The following ANKHD1 variants were observed in gnomAD, a reference collection of about 807,000 sequenced individuals.
ANKHD1 encodes the protein ankyrin repeat and KH domain-containing protein 1.
ANKHD1 carries 31 observed loss-of-function variants against 230.5 expected under a neutral mutation model. The observed-to-expected ratio is 0.13, with a 90% CI of 0.10 to 0.18. ANKHD1 has a LOEUF of 0.18. Among genes scored for constraint, ANKHD1 ranks in the 10% least tolerant of loss-of-function variants. The pLI is 1.00. For synonymous variants in ANKHD1, 1,074 were observed against 1,117.6 expected (o/e 0.96, Z 0.78); for missense variants, 2,256 against 3,071.3 (o/e 0.73, Z 6.27).
intron 24 of ANKHD1, among the ~76,000 whole-genome samples, chr5:140,520,535 T>C (rs1394806046): frequency 6.8e-4 from 103 of 151,926 alleles, no homozygotes; most frequent in African/African-American, 2.4e-3. Context: ...AACCCAAATG[T>C]CCAGCAATGA....
At chr5:140,486,871 T>C in intron 13 of ANKHD1, 87 bp from the exon 14 acceptor site, 1 of 1,339,120 alleles carries the variant, frequency 7.5e-7, no homozygotes. Flanking sequence ...TATATGAAGA[T>C]AACCTAAAAC....
chr5:140,533,548 G>T (rs1029267498), intron 29 of ANKHD1, among the ~76,000 whole-genome samples: 2 of 152,018 alleles, frequency 1.3e-5, no homozygotes, highest in African/African-American at 4.8e-5. Context: ...GCAGTGAGCC[G>T]AGATCGCGCC....
intron 20 of ANKHD1, 148 bp downstream of exon 20, chr5:140,508,146 G>A (rs564970178): frequency 8.8e-7 from 1 of 1,131,222 alleles, no homozygotes; most frequent in South Asian, 1.9e-5. Flanking sequence ...GTATAATAGT[G>A]AGTGACATAC....
At chr5:140,428,245 A>G (rs1278868275) in intron 1 of ANKHD1, among the ~76,000 whole-genome samples, 1 of 152,198 alleles carries the variant, frequency 6.6e-6, no homozygotes, top group Admixed American at 6.5e-5. Context: ...GCGGCCGGGC[A>G]GAGGCTGCAA....
At chr5:140,430,097 C>T (rs1479254984) in intron 1 of ANKHD1, among the ~76,000 whole-genome samples, 2 of 152,308 alleles carry the variant, frequency 1.3e-5, no homozygotes, top group Middle Eastern at 3.4e-3. Flanking sequence ...CTAAAAACCA[C>T]ACTCCCATAC....
intron 33 of ANKHD1, 21 bp from the exon 34 acceptor site, chr5:140,539,338 A>G: frequency 6.2e-7 from 1 of 1,611,866 alleles, no homozygotes; most frequent in African/African-American, 1.3e-5. Context: ...AGAAATTCCA[A>G]TTTTTCCTCC....
chr5:140,489,288 G>A (rs907201126), intron 14 of ANKHD1, among the ~76,000 whole-genome samples: 2 of 151,676 alleles, frequency 1.3e-5, no homozygotes, highest in African/African-American at 2.4e-5. Context: ...CAGAATGATC[G>A]ATCAGCCTGC....
chr5:140,405,601 C>T (rs1349669879), intron 1 of ANKHD1, among the ~76,000 whole-genome samples: 1 of 152,026 alleles, frequency 6.6e-6, no homozygotes, highest in African/African-American at 2.4e-5. Context: ...ATACTAAAAT[C>T]CTCCGTCTCA....
chr5:140,505,972 G>A (rs1336007785), intron 18 of ANKHD1, 103 bp downstream of exon 18: 2 of 1,495,702 alleles, frequency 1.3e-6, no homozygotes, highest in African/African-American at 1.4e-5. Flanking sequence ...CATGTATTTT[G>A]TGTGTTTGTT....
chr5:140,424,008 G>A (rs1467695031), intron 1 of ANKHD1, among the ~76,000 whole-genome samples: 1 of 152,084 alleles, frequency 6.6e-6, no homozygotes, highest in Non-Finnish European at 1.5e-5. Flanking sequence ...GTAGATAAAG[G>A]ATCCAAATTC....
intron 20 of ANKHD1, among the ~76,000 whole-genome samples, chr5:140,508,674 G>A (rs887330281): frequency 1.1e-4 from 16 of 152,006 alleles, no homozygotes; most frequent in Admixed American, 5.9e-4. Flanking sequence ...AAGAATCACC[G>A]GAACTTGGGA....
chr5:140,430,217 G>A (rs1772928246), intron 1 of ANKHD1, among the ~76,000 whole-genome samples: 1 of 152,138 alleles, frequency 6.6e-6, no homozygotes, highest in African/African-American at 2.4e-5. Flanking sequence ...GGAAAAACAG[G>A]TAGTTTTTGA....
chr5:140,467,011 AATT>A (rs1428156933), intron 10 of ANKHD1, among the ~76,000 whole-genome samples: 3 of 152,082 alleles, frequency 2.0e-5, no homozygotes, highest in South Asian at 2.1e-4. Context: ...GTTCTAACAT[AATT>A]ATTCATTTTT....
intron 1 of ANKHD1, among the ~76,000 whole-genome samples, chr5:140,411,020 T>C (rs1442245815): frequency 6.6e-6 from 1 of 152,212 alleles, no homozygotes. Flanking sequence ...TTAAGAAATA[T>C]GTAGTTTTTG....
At chr5:140,424,986 G>A (rs2126881708) in intron 1 of ANKHD1, among the ~76,000 whole-genome samples, 1 of 152,310 alleles carries the variant, frequency 6.6e-6, no homozygotes, top group East Asian at 1.9e-4. Flanking sequence ...TGATACATAT[G>A]AGACATTTTA....
chr5:140,537,518 C>T lies in ANKHD1; in HGVS notation c.7157C>T (p.Pro2386Leu), dbSNP rs142203317. 23 of 1,613,398 alleles carry T rather than the reference C, an allele frequency of 1.4e-5. No homozygotes were observed. Among genetic ancestry groups the T allele is most frequent in the African/African-American group, 6.7e-5 (5 of 74,870 alleles). ...CAAGGAGGGTCTGTTGCACAAGCCC[C>T]GGCGGGGACCAGTTTTGTCGCTCCC... ...IRQGGSVAQA[P>L]AGTSFVAPVG... is the part of the protein sequence containing the mutation. Residue 2386 changes from proline (P) to leucine (L), a missense_variant, in exon 31 of 34, where the codon CCG becomes CTG. By Grantham distance (98) the Pro-to-Leu change is moderately conservative (BLOSUM62 -3). Coordinates refer to ENST00000360839, the MANE Select transcript of ANKHD1 (RefSeq NM_017747.3).
intron 29 of ANKHD1, among the ~76,000 whole-genome samples, chr5:140,532,407 G>T (rs2127094252): frequency 6.6e-6 from 1 of 152,152 alleles, no homozygotes; most frequent in African/African-American, 2.4e-5. Flanking sequence ...TGATTGGAGG[G>T]TGGGTGATAG....
intron 10 of ANKHD1, among the ~76,000 whole-genome samples, chr5:140,476,272 A>G (rs1750962348): frequency 1.3e-5 from 2 of 152,138 alleles, no homozygotes; most frequent in Non-Finnish European, 2.9e-5. Context: ...ATTATCTACT[A>G]GAAGTTCCTG....
In ANKHD1 at chr5:140,403,455, A is replaced by G. The variant is rs186079999; in HGVS notation, c.306+1182A>G. The stretch of plus-strand genomic sequence containing the variant: ...TGAGATGGAGTTTCGCTCTGTCGCC[A>G]GGCTGGAGTGCAGTGGCGCGATCTC... On this transcript the variant is annotated intron_variant, in intron 1 of 33. Coordinates refer to ENST00000360839, the MANE Select transcript of ANKHD1 (RefSeq NM_017747.3). 3.0e-3 allele frequency among the ~76,000 whole-genome samples: 461 copies of G among 151,328 alleles called. 2 individuals carry two copies. Among genetic ancestry groups the G allele is most frequent in the African/African-American group, 0.011 (444 of 41,266 alleles).
Sources: gnomAD v4.1 joint callset for allele counts (sites outside exome capture counted in the v4.1 genomes callset) on GRCh38, gnomAD v4.1.1 for gene constraint, MANE v1.5 for transcripts, NCBI Gene and HGNC (gene_info 2026-07-23, HGNC 2026-07-21) for gene names.